The following TRAM2 variants were observed in gnomAD, a reference collection of about 807,000 sequenced individuals.
The protein encoded by TRAM2 is translocation associated membrane protein 2, also known as translocating chain-associated membrane protein 2.
TRAM2 carries 12 observed loss-of-function variants against 51.0 expected under a neutral mutation model. The ratio of observed to expected loss-of-function variants is 0.24; its 90% CI spans 0.15 to 0.38. The LOEUF is 0.38. Ranked by LOEUF, TRAM2 falls within the 10% of genes least tolerant of loss-of-function variation. The pLI is 1.00. For synonymous variants in TRAM2, 175 were observed against 179.4 expected, an observed-to-expected ratio of 0.98 and a Z score of 0.20; for missense variants, 361 against 462.0, an observed-to-expected ratio of 0.78 and a Z score of 2.00.
chr6:52,565,838 G>A (rs551804989), intron 1 of TRAM2, among the ~76,000 whole-genome samples: 1 of 152,232 alleles, frequency 6.6e-6, no homozygotes, highest in Non-Finnish European at 1.5e-5. Context: ...AACACGCCAC[G>A]TCCCTCCCAA....
At chr6:52,565,017 G>T (rs778043690) in intron 1 of TRAM2, among the ~76,000 whole-genome samples, 12 of 152,196 alleles carry the variant, frequency 7.9e-5, no homozygotes, top group Non-Finnish European at 1.5e-4. Flanking sequence ...AACACAGGTA[G>T]GTTGGTCTGC....
chr6:52,521,736 CAAAAT>C (rs150742580), intron 2 of TRAM2, among the ~76,000 whole-genome samples: 25,000 of 150,892 alleles, frequency 0.17, 2,125 homozygotes, highest in African/African-American at 0.19. Context: ...TAAAACAAAA[CAAAAT>C]AAAATAAAAT....
chr6:52,574,007 C>G (rs1443265709), intron 1 of TRAM2, among the ~76,000 whole-genome samples: 1 of 152,174 alleles, frequency 6.6e-6, no homozygotes, highest in African/African-American at 2.4e-5. Flanking sequence ...AGGGCCAAGT[C>G]AGAACCCCAA....
intron 1 of TRAM2, among the ~76,000 whole-genome samples, chr6:52,552,432 T>C (rs542172613): frequency 2.6e-5 from 4 of 152,300 alleles, no homozygotes; most frequent in African/African-American, 9.6e-5. Context: ...GTACATATAT[T>C]ACTAAGAGGA....
At chr6:52,553,598 T>G (rs1303942263) in intron 1 of TRAM2, among the ~76,000 whole-genome samples, 4 of 152,192 alleles carry the variant, frequency 2.6e-5, no homozygotes, top group African/African-American at 9.7e-5. Flanking sequence ...CTTGGCTGCT[T>G]CCTCCTCACA....
At chr6:52,545,148 T>C (rs1386171063) in intron 1 of TRAM2, among the ~76,000 whole-genome samples, 1 of 152,222 alleles carries the variant, frequency 6.6e-6, no homozygotes, top group Non-Finnish European at 1.5e-5. Flanking sequence ...GGTGACTTCA[T>C]GCAGGGCAAA....
chr6:52,561,068 T>C (rs145132310), intron 1 of TRAM2, among the ~76,000 whole-genome samples: 158 of 152,242 alleles, frequency 1.0e-3, no homozygotes, highest in African/African-American at 3.7e-3. Context: ...AGAAATGAAA[T>C]ACTGATACAT....
intron 1 of TRAM2, among the ~76,000 whole-genome samples, chr6:52,574,897 T>C (rs1429312072): frequency 6.6e-6 from 1 of 152,104 alleles, no homozygotes; most frequent in Non-Finnish European, 1.5e-5. Flanking sequence ...GCTAGAAATA[T>C]GACGGAGAGA....
At chr6:52,516,221 G>A (rs954701331) in intron 3 of TRAM2, 99 bp from the exon 4 acceptor site, 11 of 1,132,242 alleles carry the variant, frequency 9.7e-6, no homozygotes, top group Non-Finnish European at 1.3e-5. Flanking sequence ...GTTGAACATC[G>A]TTAGAAGTTT....
intron 1 of TRAM2, among the ~76,000 whole-genome samples, chr6:52,576,139 C>T (rs1183538915): frequency 6.6e-6 from 1 of 152,088 alleles, no homozygotes; most frequent in East Asian, 1.9e-4. Flanking sequence ...TCTGGGTCGC[C>T]GCAGATGGAT....
rs1201765771 is a variant in TRAM2, at chr6:52,509,449, T to G, written c.470+79A>C. ...CGTCAGGCCAGCTGGGCCTGTGGTG[T>G]TCTGGCCACACTCCGCTGGGACAGG... On this transcript the variant is annotated intron_variant, in intron 5 of 10. Transcript: ENST00000182527. 3 of 1,436,606 alleles carry G rather than the reference T, an allele frequency of 2.1e-6. No individual in the cohort carries two copies. The African/African-American group carries it at 4.2e-5, about 20-fold the overall frequency. 89.0% of individuals were successfully genotyped at this position (1,436,606 alleles called of 1,614,324 possible).
At chr6:52,566,579 A>G (rs965047269) in intron 1 of TRAM2, among the ~76,000 whole-genome samples, 2 of 152,116 alleles carry the variant, frequency 1.3e-5, no homozygotes, top group African/African-American at 4.8e-5. Context: ...CATTACCTCC[A>G]GGACAGTCTC....
intron 1 of TRAM2, among the ~76,000 whole-genome samples, chr6:52,545,270 C>T (rs1767178759): frequency 6.6e-6 from 1 of 152,194 alleles, no homozygotes; most frequent in African/African-American, 2.4e-5. Flanking sequence ...GGCCATGGCT[C>T]AATGTGCAAA....
chr6:52,518,107 C>T (rs1766586109), intron 2 of TRAM2, among the ~76,000 whole-genome samples: 1 of 152,220 alleles, frequency 6.6e-6, no homozygotes, highest in African/African-American at 2.4e-5. Flanking sequence ...TGTACGATTA[C>T]ACTACAGACG....
rs1766142518 is a variant in TRAM2 at position 52,498,784 on chromosome 6, C to G, written c.*4413G>C. 1 of 152,642 alleles carries G rather than the reference C, an allele frequency of 6.6e-6. No homozygotes were observed. Among genetic ancestry groups the G allele is most frequent in the Admixed American group, 6.5e-5 (1 of 15,280 alleles). 9.5% of individuals were successfully genotyped at this position (152,642 alleles called of 1,614,324 possible). A position where few individuals can be genotyped will look rare whatever the true frequency, so the allele number is the denominator to read the frequency against. On this transcript the variant is annotated 3_prime_UTR_variant, in exon 11 of 11. Coordinates refer to ENST00000182527, the MANE Select transcript of TRAM2 (RefSeq NM_012288.4). ...CAATCCGTGTCCCTTTTATATATAA[C>G]TATACTGAGGTATGGTGTCCTTGGC...
intron 2 of TRAM2, chr6:52,524,269 T>C (rs1399234576): frequency 6.6e-6 from 1 of 152,136 alleles, no homozygotes; most frequent in Non-Finnish European, 1.5e-5. Flanking sequence ...ATATCTAGGA[T>C]ACATTATTTG....
At chr6:52,560,616 T>TGTGTCCC (rs1269056067) in intron 1 of TRAM2, among the ~76,000 whole-genome samples, 1 of 152,252 alleles carries the variant, frequency 6.6e-6, no homozygotes, top group African/African-American at 2.4e-5. Flanking sequence ...AGCTGTGTCC[T>TGTGTCCC]GTGTCCCGTG....
intron 2 of TRAM2, among the ~76,000 whole-genome samples, chr6:52,534,955 TG>T (rs1343769636): frequency 6.6e-6 from 1 of 152,284 alleles, no homozygotes; most frequent in East Asian, 1.9e-4. Flanking sequence ...TCAGCCACTA[TG>T]GGGGAAGCTT....
chr6:52,526,879 G>A (rs1482935959), intron 2 of TRAM2, among the ~76,000 whole-genome samples: 5 of 152,124 alleles, frequency 3.3e-5, no homozygotes, highest in Non-Finnish European at 7.3e-5. Context: ...GCTGCCTCAC[G>A]TGAAGAATGC....
Sources: gnomAD v4.1 joint callset for allele counts (sites outside exome capture counted in the v4.1 genomes callset) on GRCh38, gnomAD v4.1.1 for gene constraint, MANE v1.5 for transcripts, NCBI Gene and HGNC (gene_info 2026-07-23, HGNC 2026-07-21) for gene names.